DNM2: variants seen among roughly 807,000 people sequenced by gnomAD.
DNM2 encodes the protein dynamin 2.
DNM2 carries 15 observed loss-of-function variants against 99.0 expected under a neutral mutation model. The observed-to-expected ratio is 0.15, with a 90% CI of 0.10 to 0.23. The LOEUF is 0.23. Among genes scored for constraint, DNM2 ranks in the 10% least tolerant of loss-of-function variants. DNM2 has a pLI of 1.00. For missense variants in DNM2, 742 were observed against 1,189.4 expected (o/e 0.62, Z 5.53); for synonymous variants, 525 against 481.2 (o/e 1.09, Z -1.19).
At chr19:10,800,611 G>A (rs2072101838) in intron 11 of DNM2, among the ~76,000 whole-genome samples, 1 of 152,240 alleles carries the variant, frequency 6.6e-6, no homozygotes, top group South Asian at 2.1e-4. Context: ...CGACAGGTCC[G>A]AGTGCCTTGC....
At chr19:10,803,188 A>T (rs530602729) in intron 12 of DNM2, among the ~76,000 whole-genome samples, 53 of 152,276 alleles carry the variant, frequency 3.5e-4, no homozygotes, top group Middle Eastern at 3.4e-3. Context: ...GAGGGCGGCC[A>T]CTGGGCCTTG....
intron 1 of DNM2, among the ~76,000 whole-genome samples, chr19:10,749,754 C>A (rs1215711194): frequency 6.6e-6 from 1 of 152,232 alleles, no homozygotes; most frequent in African/African-American, 2.4e-5. Context: ...CTAGCAGTGA[C>A]CAGGCCAGGT....
At chr19:10,828,975 C>A in intron 18 of DNM2, 61 bp from the exon 19 acceptor site, 1 of 1,533,122 alleles carries the variant, frequency 6.5e-7, no homozygotes, top group South Asian at 1.2e-5. Flanking sequence ...TTCCAGCAGT[C>A]ACTGTGGGTT....
chr19:10,731,481 T>C (rs1374956916), intron 1 of DNM2, among the ~76,000 whole-genome samples: 2 of 151,704 alleles, frequency 1.3e-5, no homozygotes, highest in Non-Finnish European at 1.5e-5. Context: ...GCCTCCTGAG[T>C]AGCTGGGATT....
rs1334720574 is a variant in DNM2, at chr19:10,795,285, C to T, written c.1129-87C>T. The T allele has an allele frequency of 2.0e-5, 25 of 1,232,842 alleles. No individual in the cohort carries two copies. The highest frequency in any genetic ancestry group is 1.4e-4 in the South Asian group (12 of 83,314). 76.4% of individuals were successfully genotyped at this position (1,232,842 alleles called of 1,614,324 possible). On this transcript the variant is annotated intron_variant, in intron 8 of 20. Coordinates refer to ENST00000389253, the MANE Select transcript of DNM2 (RefSeq NM_001005361.3). The surrounding 1 kb of genome is among the most constrained non-coding windows in gnomAD (Gnocchi z 4.2). ...ATTCTGCCTTGTGAATATAGCCACA[C>T]GTGGGAGAGAACGTTCCCCAGATGC...
rs941861432 is a variant in DNM2, at chr19:10,764,670, T to C, written c.235+4859T>C. Among the ~76,000 whole-genome samples the C allele has an allele frequency of 5.9e-5, 9 of 152,178 alleles. No individual in the cohort carries two copies. Among genetic ancestry groups the C allele is most frequent in the African/African-American group, 2.2e-4 (9 of 41,464 alleles). ...AGGACCTGGCTCCAGGGCTTCCCAT[T>C]GGCCTCAGAATCAAATCGAGCCTCC... On this transcript the variant is annotated intron_variant, in intron 2 of 20. Transcript: ENST00000389253. The surrounding 1 kb of genome is among the most constrained non-coding windows in gnomAD (Gnocchi z 4.1).
chr19:10,819,340 C>T (rs1052553815), intron 15 of DNM2, among the ~76,000 whole-genome samples: 18 of 152,174 alleles, frequency 1.2e-4, no homozygotes, highest in African/African-American at 2.2e-4. Context: ...TGTCCTAAAG[C>T]GGCCAAGGTT....
At chr19:10,815,783 G>A (rs973685280) in intron 15 of DNM2, among the ~76,000 whole-genome samples, 10 of 152,302 alleles carry the variant, frequency 6.6e-5, no homozygotes, top group African/African-American at 2.4e-4. Context: ...TTGGGTTTGG[G>A]GGAATGCTCT....
chr19:10,830,349 C>T lies in DNM2; in HGVS notation c.2514C>T (p.Ile838=), dbSNP rs200782592. ...AGATCCCATCTCGGCCAGTTCGGAT[C>T]CCCCCAGGGATTCCCCCAGGAGTGC... is the stretch of plus-strand genomic sequence containing the variant. ...PPQIPSRPVR[I]PPGIPPGVPS... The change falls in exon 20 of 21, where the codon ATC becomes ATT. Residue 838 remains isoleucine, a synonymous_variant. Transcript: ENST00000389253. This position sits in a 1 kb window ranked among gnomAD's most constrained non-coding sequence, Gnocchi z 4.8. The T allele has an allele frequency of 1.2e-4, 194 of 1,611,956 alleles. No homozygotes were observed. Among genetic ancestry groups the T allele is most frequent in the Middle Eastern group, 3.3e-4 (2 of 6,078 alleles).
At chr19:10,733,104 G>C (rs774697570) in intron 1 of DNM2, among the ~76,000 whole-genome samples, 5 of 151,416 alleles carry the variant, frequency 3.3e-5, no homozygotes, top group Non-Finnish European at 7.4e-5. Flanking sequence ...GGCTAGTCTT[G>C]AACTCCCGAC....
At chr19:10,779,192 G>A (rs2071258935) in intron 5 of DNM2, among the ~76,000 whole-genome samples, 1 of 150,334 alleles carries the variant, frequency 6.7e-6, no homozygotes, top group Non-Finnish European at 1.5e-5. Flanking sequence ...TCCAGCCTGG[G>A]CCACAGAGCA....
At chr19:10,767,531 C>T (rs961139254) in intron 2 of DNM2, among the ~76,000 whole-genome samples, 5 of 152,226 alleles carry the variant, frequency 3.3e-5, no homozygotes, top group African/African-American at 1.2e-4. Context: ...AGGCTGGCCT[C>T]CAATGATTCT....
intron 5 of DNM2, among the ~76,000 whole-genome samples, chr19:10,777,680 C>T (rs1359202724): frequency 1.3e-5 from 2 of 152,142 alleles, no homozygotes; most frequent in African/African-American, 2.4e-5. Context: ...CTGCAACCTC[C>T]GCCTCCCAGG....
rs746397835 is a variant in DNM2 at position 10,718,471 on chromosome 19, C to T, written c.161+68C>T. On this transcript the variant is annotated intron_variant, in intron 1 of 20. Transcript: ENST00000389253. ...GGCGCGGAGGGCGGACCGGGAATGG[C>T]GCGCCGTGCGCCGCCGGCGTAACTG... The T allele has an allele frequency of 4.6e-6, 6 of 1,292,566 alleles. No homozygotes were observed. In the South Asian group the frequency reaches 1.0e-4, roughly 22 times the overall value. 80.1% of individuals were successfully genotyped at this position (1,292,566 alleles called of 1,614,324 possible).
At chr19:10,768,032 G>A (rs560664162) in intron 2 of DNM2, among the ~76,000 whole-genome samples, 1 of 152,304 alleles carries the variant, frequency 6.6e-6, no homozygotes, top group South Asian at 2.1e-4. Context: ...CTTTTTCTCT[G>A]GTGTGGTTCT....
intron 1 of DNM2, among the ~76,000 whole-genome samples, chr19:10,720,240 T>C (rs2068895055): frequency 6.7e-6 from 1 of 148,452 alleles, no homozygotes; most frequent in Admixed American, 6.8e-5. Flanking sequence ...TGAGACAGAG[T>C]CTCCCTCTGT....
chr19:10,794,344 C>CGTGTGT (rs58263525), intron 8 of DNM2, among the ~76,000 whole-genome samples: 5,990 of 141,670 alleles, frequency 0.042, 157 homozygotes, highest in Non-Finnish European at 0.059. Context: ...CTTCTTTTTC[C>CGTGTGT]GTGTGTGTGT....
Position 10,764,967 on chromosome 19 carries a change from T to TC in DNM2, c.235+5156_235+5157insC, listed in dbSNP as rs999487301. Among the ~76,000 whole-genome samples the TC allele has an allele frequency of 6.7e-6, 1 of 150,294 alleles. No individual in the cohort carries two copies. The highest frequency in any genetic ancestry group is 2.4e-5 in the African/African-American group (1 of 41,108). On this transcript the variant is annotated intron_variant, in intron 2 of 20. Transcript: ENST00000389253. The surrounding 1 kb of genome is among the most constrained non-coding windows in gnomAD (Gnocchi z 4.1). ...GTTCTTGTTTTTTCTTTTTCTTTTTTTTTTTTTTTTGAGATGGAGTCTCGC... is the reference window on the plus strand; with the variant it reads ...GTTCTTGTTTTTTCTTTTTCTTTTTTCTTTTTTTTTTGAGATGGAGTCTCGC...
chr19:10,831,183 G>T lies in DNM2; in HGVS notation c.*136G>T. ...AGCCCTGGCCTCTTCCTTAACGCTG[G>T]CCCCGGTCCAGGGCCGGCCCCTGTG... On this transcript the variant is annotated 3_prime_UTR_variant, in exon 21 of 21. Coordinates refer to ENST00000389253, the MANE Select transcript of DNM2 (RefSeq NM_001005361.3). The surrounding 1 kb of genome is among the most constrained non-coding windows in gnomAD (Gnocchi z 4.3). 1 of 1,413,502 alleles carries T rather than the reference G, an allele frequency of 7.1e-7. No homozygotes were observed. The highest frequency in any genetic ancestry group is 9.2e-7 in the Non-Finnish European group (1 of 1,086,984). The allele number at this position is 1,413,502 out of a possible 1,614,324, so 87.6% of individuals were successfully genotyped here. A position where few individuals can be genotyped will look rare whatever the true frequency, so the allele number is the denominator to read the frequency against.
Sources: gnomAD v4.1 joint callset for allele counts (sites outside exome capture counted in the v4.1 genomes callset) on GRCh38, gnomAD v4.1.1 for gene constraint, Gnocchi (gnomAD v3.1) non-coding constraint, MANE v1.5 for transcripts, NCBI Gene and HGNC (gene_info 2026-07-23, HGNC 2026-07-21) for gene names.